Variants in RPTOR observed in about 807,000 individuals in gnomAD.
RPTOR encodes regulatory associated protein of MTOR complex 1.
RPTOR carries 21 observed loss-of-function variants against 169.9 expected under a neutral mutation model. The observed-to-expected ratio is 0.12, with a 90% CI of 0.09 to 0.18. The LOEUF is 0.18. RPTOR is among the 10% of genes least tolerant of loss of function. The pLI is 1.00. For missense variants in RPTOR, 1,133 were observed against 1,855.9 expected, an observed-to-expected ratio of 0.61 and a Z score of 7.16; for synonymous variants, 732 against 753.2, an observed-to-expected ratio of 0.97 and a Z score of 0.46.
At chr17:80,612,304 A>T (rs576719365) in intron 1 of RPTOR, among the ~76,000 whole-genome samples, 7 of 152,148 alleles carry the variant, frequency 4.6e-5, no homozygotes, top group South Asian at 4.2e-4. Context: ...TAATTAAAAA[A>T]TTTTTTTGTA....
intron 25 of RPTOR, among the ~76,000 whole-genome samples, chr17:80,945,059 C>T (rs548103658): frequency 2.2e-4 from 33 of 151,932 alleles, no homozygotes; most frequent in Admixed American, 2.0e-3. Flanking sequence ...TTGAGGAGGC[C>T]GAGGCGGGAG....
At chr17:80,702,506 T>C (rs768044827) in intron 3 of RPTOR, among the ~76,000 whole-genome samples, 1 of 152,198 alleles carries the variant, frequency 6.6e-6, no homozygotes, top group African/African-American at 2.4e-5. Flanking sequence ...GGCATTCTAG[T>C]TGTGAGACAA....
chr17:80,706,611 G>A (rs143594249), intron 3 of RPTOR, among the ~76,000 whole-genome samples: 1 of 152,336 alleles, frequency 6.6e-6, no homozygotes, highest in Non-Finnish European at 1.5e-5. Flanking sequence ...GCTGGTCTCC[G>A]TGCCCCCAGC....
At chr17:80,922,692 T>G in intron 21 of RPTOR, 32 bp from the exon 22 acceptor site, 66 of 1,532,330 alleles carry the variant, frequency 4.3e-5, no homozygotes, top group Non-Finnish European at 5.5e-5. Context: ...ACGTCCCGTC[T>G]GACCTTCACA....
Position 80,708,341 on chromosome 17 carries a change from A to G in RPTOR, c.507+342A>G, listed in dbSNP as rs1355565525. Among the ~76,000 whole-genome samples the G allele has an allele frequency of 6.6e-6, 1 of 152,202 alleles. No individual in the cohort carries two copies. The highest frequency in any genetic ancestry group is 2.4e-5 in the African/African-American group (1 of 41,438). Reference sequence around the variant, plus strand: ...TGCACAATTTCTCAATTTCGTTAGAATCTTTCTTTAAGCATCGGTGATTTT... The same window carrying G: ...TGCACAATTTCTCAATTTCGTTAGAGTCTTTCTTTAAGCATCGGTGATTTT... On this transcript the variant is annotated intron_variant, in intron 4 of 33. Transcript: ENST00000306801. This position sits in a 1 kb window ranked among gnomAD's most constrained non-coding sequence, Gnocchi z 4.2.
chr17:80,922,900 C>T (rs1047097425), intron 22 of RPTOR, 73 bp downstream of exon 22: 6 of 1,271,106 alleles, frequency 4.7e-6, no homozygotes, highest in South Asian at 1.3e-5. Flanking sequence ...GTCCCTGAGC[C>T]GGCCTCCCCA....
At chr17:80,782,692 C>T (rs12325875) in intron 6 of RPTOR, among the ~76,000 whole-genome samples, 38,357 of 151,940 alleles carry the variant, frequency 0.25, 4,897 homozygotes, top group South Asian at 0.27. Context: ...CAAGGGGTCA[C>T]GGGGTGAGAG....
intron 6 of RPTOR, among the ~76,000 whole-genome samples, chr17:80,785,388 G>GC (rs1190858291): frequency 3.3e-5 from 5 of 152,218 alleles, no homozygotes; most frequent in Non-Finnish European, 2.9e-5. Flanking sequence ...AGGCATACAG[G>GC]CAGACCAGGT....
intron 1 of RPTOR, among the ~76,000 whole-genome samples, chr17:80,549,199 A>C (rs547386367): frequency 6.6e-6 from 1 of 152,162 alleles, no homozygotes; most frequent in Admixed American, 6.5e-5. Flanking sequence ...ATTATTATCA[A>C]GTTAGTTTGT....
chr17:80,758,023 A>C (rs2066698539), intron 6 of RPTOR, among the ~76,000 whole-genome samples: 1 of 152,192 alleles, frequency 6.6e-6, no homozygotes, highest in African/African-American at 2.4e-5. Flanking sequence ...CCAAAAACTA[A>C]TTTATTCAGT....
intron 12 of RPTOR, among the ~76,000 whole-genome samples, chr17:80,856,901 C>T (rs1213126119): frequency 6.6e-6 from 1 of 152,106 alleles, no homozygotes; most frequent in Non-Finnish European, 1.5e-5. Context: ...ACAGATTTTG[C>T]CTCTCAGGTG....
intron 3 of RPTOR, among the ~76,000 whole-genome samples, chr17:80,667,038 A>G (rs1358453913): frequency 6.6e-6 from 1 of 152,182 alleles, no homozygotes; most frequent in African/African-American, 2.4e-5. Context: ...ACACTGATTC[A>G]TCAGGGCCTG....
intron 3 of RPTOR, among the ~76,000 whole-genome samples, chr17:80,670,477 G>A (rs1173603485): frequency 6.6e-6 from 1 of 152,078 alleles, no homozygotes; most frequent in Non-Finnish European, 1.5e-5. Flanking sequence ...TTGACATGAC[G>A]CCTGCCCGCT....
intron 10 of RPTOR, among the ~76,000 whole-genome samples, chr17:80,839,889 A>T (rs2067608160): frequency 6.6e-6 from 1 of 152,146 alleles, no homozygotes; most frequent in Admixed American, 6.5e-5. Context: ...CTTTTCAAGG[A>T]TTTTACTCTA....
intron 6 of RPTOR, among the ~76,000 whole-genome samples, chr17:80,782,327 T>C (rs933143152): frequency 6.6e-6 from 1 of 152,240 alleles, no homozygotes; most frequent in African/African-American, 2.4e-5. Flanking sequence ...AGGAAAGATA[T>C]AATGGTGGGT....
intron 1 of RPTOR, among the ~76,000 whole-genome samples, chr17:80,600,202 C>T (rs1427043758): frequency 6.6e-6 from 1 of 152,108 alleles, no homozygotes; most frequent in Non-Finnish European, 1.5e-5. Flanking sequence ...TTCTGGGAGC[C>T]CAGGAGGTAA....
At chr17:80,809,768 G>A (rs2067254517) in intron 7 of RPTOR, among the ~76,000 whole-genome samples, 1 of 152,116 alleles carries the variant, frequency 6.6e-6, no homozygotes, top group African/African-American at 2.4e-5. Flanking sequence ...GCCAGGTGTG[G>A]TGGCTCACGT....
chr17:80,596,903 G>A (rs943656407), intron 1 of RPTOR, among the ~76,000 whole-genome samples: 1 of 152,164 alleles, frequency 6.6e-6, no homozygotes, highest in African/African-American at 2.4e-5. Context: ...CATTTTAGCA[G>A]CTGTTTTTAA....
At chr17:80,637,598 G>A (rs1053867185) in intron 2 of RPTOR, among the ~76,000 whole-genome samples, 1 of 152,222 alleles carries the variant, frequency 6.6e-6, no homozygotes, top group African/African-American at 2.4e-5. Flanking sequence ...CTGAAGAGCT[G>A]CGCGTGCCCC....
Sources: allele counts gnomAD v4.1 joint callset (sites outside exome capture counted in the v4.1 genomes callset), GRCh38; gene constraint gnomAD v4.1.1; non-coding constraint Gnocchi (gnomAD v3.1); transcripts MANE v1.5; gene names NCBI Gene and HGNC (gene_info 2026-07-23, HGNC 2026-07-21).